ARHGEF12: variants seen among roughly 807,000 people sequenced by gnomAD.
The protein encoded by ARHGEF12 is KMT2A/ARHGEF12 fusion protein.
In ARHGEF12, 66 loss-of-function variants were observed where a neutral mutation model predicts 211.2. The observed-to-expected ratio is 0.31, with a 90% CI of 0.26 to 0.38. ARHGEF12 has a LOEUF of 0.38. Ranked by LOEUF, ARHGEF12 falls within the 10% of genes least tolerant of loss-of-function variation. The pLI is 1.00. For synonymous variants in ARHGEF12, 592 were observed against 638.4 expected (o/e 0.93, Z 1.09); for missense variants, 1,429 against 1,869.5 (o/e 0.76, Z 4.34).
At chr11:120,483,012 T>C (rs1947294644) in intron 39 of ARHGEF12, among the ~76,000 whole-genome samples, 1 of 152,198 alleles carries the variant, frequency 6.6e-6, no homozygotes, top group Non-Finnish European at 1.5e-5. Flanking sequence ...TATACAGTCA[T>C]GTGTTGCTTA....
At chr11:120,481,642 G>T in intron 39 of ARHGEF12, 66 bp downstream of exon 39, 1 of 1,489,658 alleles carries the variant, frequency 6.7e-7, no homozygotes, top group East Asian at 2.3e-5. Context: ...GGAAGAATAG[G>T]GTGATGAAAA....
rs187948678 is a variant in ARHGEF12 at position 120,344,714 on chromosome 11, A to G, written c.32+7439A>G. Among the ~76,000 whole-genome samples, 397 of 152,308 alleles carry G rather than the reference A, an allele frequency of 2.6e-3. 5 individuals carry two copies. The highest frequency in any genetic ancestry group is 0.02 in the Admixed American group (304 of 15,312). On this transcript the variant is annotated intron_variant, in intron 1 of 40. Transcript: ENST00000397843. The stretch of plus-strand genomic sequence containing the variant: ...TAGATGGTTATAATGATGTATTATT[A>G]TATCACTACTTCTCAGGTGATATGA...
intron 21 of ARHGEF12, chr11:120,449,591 C>T (rs543383637): frequency 2.5e-5 from 4 of 159,800 alleles, no homozygotes; most frequent in East Asian, 3.6e-4. Flanking sequence ...CCCAGCTACT[C>T]GGGAGGCTGA....
At chr11:120,420,136 T>A (rs1347461083) in intron 4 of ARHGEF12, among the ~76,000 whole-genome samples, 1 of 152,216 alleles carries the variant, frequency 6.6e-6, no homozygotes, top group African/African-American at 2.4e-5. Flanking sequence ...ATCTTTTCTA[T>A]TTTTTTCTCT....
rs913966346 is a variant in ARHGEF12, at chr11:120,368,897, T to C, written c.32+31622T>C. 6.6e-5 allele frequency among the ~76,000 whole-genome samples: 10 copies of C among 152,118 alleles called. No individual in the cohort carries two copies. In the East Asian group the frequency reaches 1.9e-3, roughly 29 times the overall value. ...CCCTCCCTCCTTTCACCCTCCACCC[T>C]CAAATAGGCCCCAGTGTCTATTGTT... On this transcript the variant is annotated intron_variant, in intron 1 of 40. Coordinates refer to ENST00000397843, the MANE Select transcript of ARHGEF12 (RefSeq NM_015313.3).
At chr11:120,387,251 G>T (rs1236696859) in intron 1 of ARHGEF12, among the ~76,000 whole-genome samples, 1 of 151,596 alleles carries the variant, frequency 6.6e-6, no homozygotes, top group Non-Finnish European at 1.5e-5. Flanking sequence ...GTGGTGGGGG[G>T]GGAGGGTGAT....
intron 12 of ARHGEF12, chr11:120,439,736 A>T (rs1945811462): frequency 6.5e-6 from 1 of 154,360 alleles, no homozygotes; most frequent in South Asian, 2.1e-4. Context: ...TTAATTTTTT[A>T]ATTGTAACCA....
rs979647221 is a variant in ARHGEF12 at position 120,488,863 on chromosome 11, T to C, written c.*3786T>C. 2 of 213,566 alleles carry C rather than the reference T, an allele frequency of 9.4e-6. No individual in the cohort carries two copies. The highest frequency in any genetic ancestry group is 4.5e-5 in the African/African-American group (2 of 44,244). 13.2% of individuals were successfully genotyped at this position (213,566 alleles called of 1,614,324 possible). On this transcript the variant is annotated 3_prime_UTR_variant, in exon 41 of 41. Transcript: ENST00000397843. ...ACATTTTGAAATGCCTAAAAGACTTTATTGTTCTAATTATCCAGATGTACC... is the reference window on the plus strand; with the variant it reads ...ACATTTTGAAATGCCTAAAAGACTTCATTGTTCTAATTATCCAGATGTACC...
In ARHGEF12 at chr11:120,368,692, T is replaced by G. The variant is rs73582213; in HGVS notation, c.32+31417T>G. On this transcript the variant is annotated intron_variant, in intron 1 of 40. Coordinates refer to ENST00000397843, the MANE Select transcript of ARHGEF12 (RefSeq NM_015313.3). ...AATACCAAAACTCATTTTTTCTATGTATGTTTCCCTTTTAGAAAGATTTTA... is the reference window on the plus strand; with the variant it reads ...AATACCAAAACTCATTTTTTCTATGGATGTTTCCCTTTTAGAAAGATTTTA... Among the ~76,000 whole-genome samples the G allele has an allele frequency of 7.7e-3, 1,169 of 152,332 alleles. 14 individuals carry two copies. The highest frequency in any genetic ancestry group is 0.026 in the African/African-American group (1,087 of 41,566).
At chr11:120,419,005 G>C (rs960552538) in intron 4 of ARHGEF12, among the ~76,000 whole-genome samples, 1 of 149,376 alleles carries the variant, frequency 6.7e-6, no homozygotes, top group Admixed American at 6.7e-5. Flanking sequence ...ACAGAGTCTC[G>C]CTCTGTCGCC....
intron 2 of ARHGEF12, among the ~76,000 whole-genome samples, chr11:120,406,830 T>C (rs1355445784): frequency 6.6e-6 from 1 of 152,186 alleles, no homozygotes; most frequent in African/African-American, 2.4e-5. Context: ...AGTGCTGGGA[T>C]TACAGGCGTA....
intron 15 of ARHGEF12, among the ~76,000 whole-genome samples, chr11:120,444,448 T>A (rs1945984112): frequency 6.6e-6 from 1 of 152,196 alleles, no homozygotes; most frequent in Non-Finnish European, 1.5e-5. Flanking sequence ...GAGCTTTTAT[T>A]ACTTTTTTGC....
rs1946920015 is a variant in ARHGEF12 at position 120,473,142 on chromosome 11, A to G, written c.3033+15A>G. 1.2e-6 allele frequency: 2 copies of G among 1,608,192 alleles called. No individual in the cohort carries two copies. Among genetic ancestry groups the G allele is most frequent in the South Asian group, 1.1e-5 (1 of 90,694 alleles). Reference sequence around the variant, plus strand: ...AAGAGCTCAGGGTGAGAGATGGTCTAATCATAATTTAAAAAATAAAATAAA... The same window carrying G: ...AAGAGCTCAGGGTGAGAGATGGTCTGATCATAATTTAAAAAATAAAATAAA... On this transcript the variant is annotated intron_variant, in intron 31 of 40. Coordinates refer to ENST00000397843, the MANE Select transcript of ARHGEF12 (RefSeq NM_015313.3).
Position 120,440,213 on chromosome 11 carries a change from C to T in ARHGEF12, c.1084C>T (p.His362Tyr), listed in dbSNP as rs140707343. The change falls in exon 13 of 41, where the codon CAT (histidine) becomes TAT (tyrosine). Residue 362 changes from histidine to tyrosine, a missense_variant. His to Tyr is a moderately conservative substitution (Grantham distance 83). Around this residue, in one of 7 missense-constraint regions of ARHGEF12, gnomAD observed 254 missense variants for 286.4 expected, o/e 0.89. Coordinates refer to ENST00000397843, the MANE Select transcript of ARHGEF12 (RefSeq NM_015313.3). The part of the protein sequence containing the change: ...GAEDDDFGTE[H>Y]EQINGQCSCF... ...AGAAGATGATGATTTTGGTACTGAA[C>T]ATGAACAGGTGATGACTTTTTTCTT... The T allele has an allele frequency of 2.5e-4, 410 of 1,611,898 alleles. 8 individuals are homozygous for T. The East Asian group carries it at 6.6e-3, about 26-fold the overall frequency.
At chr11:120,470,758 G>C (rs1299782101) in intron 30 of ARHGEF12, among the ~76,000 whole-genome samples, 1 of 152,170 alleles carries the variant, frequency 6.6e-6, no homozygotes. Flanking sequence ...AAACTCTGTA[G>C]GTACCCTTAT....
intron 29 of ARHGEF12, 56 bp downstream of exon 29, chr11:120,467,364 A>G (rs1946733237): frequency 1.9e-6 from 2 of 1,030,668 alleles, no homozygotes; most frequent in East Asian, 2.4e-5. Flanking sequence ...GAAACACCCA[A>G]TATCCTGTAA....
intron 38 of ARHGEF12, 41 bp from the exon 39 acceptor site, chr11:120,481,219 G>A (rs781582230): frequency 2.0e-5 from 32 of 1,564,588 alleles, no homozygotes; most frequent in Non-Finnish European, 2.6e-5. Flanking sequence ...TTTTCTAATG[G>A]CAGCACTGGT....
At chr11:120,453,278 T>C (rs1946266101) in intron 22 of ARHGEF12, among the ~76,000 whole-genome samples, 2 of 152,196 alleles carry the variant, frequency 1.3e-5, no homozygotes, top group South Asian at 4.1e-4. Context: ...TATGCACTGA[T>C]ATTTCATGGC....
chr11:120,429,264 A>C (rs1945453978), intron 8 of ARHGEF12, among the ~76,000 whole-genome samples, 176 bp from the exon 9 acceptor site: 1 of 152,214 alleles, frequency 6.6e-6, no homozygotes, highest in East Asian at 1.9e-4. Context: ...ATTTCCTTGT[A>C]GTTTCTTGTA....
Sources: gnomAD v4.1 joint callset for allele counts (sites outside exome capture counted in the v4.1 genomes callset) on GRCh38, gnomAD v4.1.1 for gene constraint, gnomAD v4.1.1 regional missense constraint, MANE v1.5 for transcripts, NCBI Gene and HGNC (gene_info 2026-07-23, HGNC 2026-07-21) for gene names.